BBOX1: variants seen among roughly 807,000 people sequenced by gnomAD.
BBOX1 encodes gamma-butyrobetaine hydroxylase 1.
Under a neutral mutation model 41.6 loss-of-function variants are expected in BBOX1, and 35 were observed. The observed-to-expected ratio is 0.84, with a 90% CI of 0.64 to 1.11. The LOEUF (loss-of-function observed/expected upper bound fraction) is 1.11, where lower values mean the gene tolerates loss of function less well. Among genes scored for constraint, BBOX1 ranks in the 50% most tolerant of loss-of-function variants. BBOX1 has a pLI of 0.00. For synonymous variants in BBOX1, 163 were observed against 154.7 expected (o/e 1.05, Z -0.40); for missense variants, 458 against 460.6 (o/e 0.99, Z 0.05).
At chr11:27,092,150 A>G (rs1783500610) in intron 4 of BBOX1, among the ~76,000 whole-genome samples, 1 of 152,112 alleles carries the variant, frequency 6.6e-6, no homozygotes, top group Middle Eastern at 3.4e-3. Context: ...TTTCCAGTCC[A>G]CAACTACTAC....
intron 4 of BBOX1, among the ~76,000 whole-genome samples, chr11:27,059,749 C>T (rs1857084415): frequency 6.6e-6 from 1 of 152,172 alleles, no homozygotes; most frequent in Non-Finnish European, 1.5e-5. Flanking sequence ...AATTTTGGAG[C>T]CTTAAGATTT....
intron 4 of BBOX1, among the ~76,000 whole-genome samples, chr11:27,074,679 T>G (rs917200687): frequency 4.6e-5 from 7 of 152,248 alleles, no homozygotes; most frequent in Non-Finnish European, 8.8e-5. Context: ...GTGACCTGGC[T>G]GTTTATAAAA....
intron 5 of BBOX1, among the ~76,000 whole-genome samples, chr11:27,106,437 A>G (rs1858868185): frequency 6.6e-6 from 1 of 152,176 alleles, no homozygotes; most frequent in African/African-American, 2.4e-5. Context: ...AGGGGTTGCA[A>G]TCCTAGTCTC....
At chr11:27,073,388 C>T (rs915462945) in intron 4 of BBOX1, among the ~76,000 whole-genome samples, 20 of 152,050 alleles carry the variant, frequency 1.3e-4, no homozygotes, top group East Asian at 3.9e-4. Context: ...GTTAGAATGG[C>T]GATCATTAAA....
chr11:27,077,024 C>G (rs977056730), intron 4 of BBOX1, among the ~76,000 whole-genome samples: 1 of 152,118 alleles, frequency 6.6e-6, no homozygotes, highest in Non-Finnish European at 1.5e-5. Context: ...AGTCCACCCA[C>G]AAAGCCAGAA....
chr11:27,127,640 A>C lies in BBOX1; in HGVS notation c.*187A>C. 1 of 640,318 alleles carries C rather than the reference A, an allele frequency of 1.6e-6. No individual in the cohort carries two copies. Among genetic ancestry groups the C allele is most frequent in the South Asian group, 2.6e-5 (1 of 37,868 alleles). 39.7% of individuals were successfully genotyped at this position (640,318 alleles called of 1,614,324 possible). A position where few individuals can be genotyped will look rare whatever the true frequency, so the allele number is the denominator to read the frequency against. Reference sequence around the variant, plus strand: ...ATGTCAACTTTTTAGATGTTTCACCACTCTTTTGCAAATAAAGCATCCTTT... The same window carrying C: ...ATGTCAACTTTTTAGATGTTTCACCCCTCTTTTGCAAATAAAGCATCCTTT... On this transcript the variant is annotated 3_prime_UTR_variant, in exon 9 of 9. Coordinates refer to ENST00000263182, the MANE Select transcript of BBOX1 (RefSeq NM_003986.3).
At chr11:27,089,929 C>G (rs1010163442) in intron 4 of BBOX1, among the ~76,000 whole-genome samples, 12 of 151,930 alleles carry the variant, frequency 7.9e-5, no homozygotes, top group African/African-American at 2.9e-4. Context: ...TCCTGCCAAC[C>G]TTTTTAATTG....
chr11:27,125,448 G>A (rs1433529375), intron 7 of BBOX1, among the ~76,000 whole-genome samples: 2 of 151,534 alleles, frequency 1.3e-5, no homozygotes, highest in African/African-American at 4.8e-5. Flanking sequence ...TGGTACTGAG[G>A]TAGTAAGATT....
At chr11:27,066,683 A>G (rs1005239200) in intron 4 of BBOX1, 9 of 151,856 alleles carry the variant, frequency 5.9e-5, no homozygotes, top group Non-Finnish European at 1.3e-4. Flanking sequence ...AAAAAAAAAA[A>G]AAAAAGAAAA....
intron 7 of BBOX1, among the ~76,000 whole-genome samples, chr11:27,124,775 G>T (rs1859589648): frequency 6.6e-6 from 1 of 152,114 alleles, no homozygotes; most frequent in South Asian, 2.1e-4. Flanking sequence ...GCCCACCTTG[G>T]CCTCCCAAGG....
intron 4 of BBOX1, among the ~76,000 whole-genome samples, chr11:27,059,869 T>A (rs891953446): frequency 6.6e-6 from 1 of 152,182 alleles, no homozygotes; most frequent in African/African-American, 2.4e-5. Context: ...TATAACCCCA[T>A]TATATCTTGG....
In BBOX1 at chr11:27,127,603, T is replaced by A; in HGVS notation, c.*150T>A. On this transcript the variant is annotated 3_prime_UTR_variant, in exon 9 of 9. Transcript: ENST00000263182. ...TCTCACAAGAGTACTCTTTACTTTG[T>A]AATCATATACAATGTCAACTTTTTA... 1 of 902,222 alleles carries A rather than the reference T, an allele frequency of 1.1e-6. No homozygotes were observed. Among genetic ancestry groups the A allele is most frequent in the Non-Finnish European group, 1.6e-6 (1 of 618,524 alleles). 55.9% of individuals were successfully genotyped at this position (902,222 alleles called of 1,614,324 possible).
At chr11:27,104,671 G>T (rs1590215466) in intron 5 of BBOX1, among the ~76,000 whole-genome samples, 1 of 152,088 alleles carries the variant, frequency 6.6e-6, no homozygotes, top group South Asian at 2.1e-4. Context: ...TTAAAAAAAT[G>T]GCATGAGAAC....
chr11:27,057,743 T>A (rs1170895116), intron 4 of BBOX1, among the ~76,000 whole-genome samples: 1 of 152,028 alleles, frequency 6.6e-6, no homozygotes, highest in Admixed American at 6.6e-5. Context: ...ATGGGATTGA[T>A]GAACCCATGA....
chr11:27,042,147 C>T lies in BBOX1; in HGVS notation c.-39+669C>T, dbSNP rs978414732. ...TTTAGAAATTTTCCTAAAATCTAAA[C>T]CCAGTACTTTGCATTACATCAGAAA... On this transcript the variant is annotated intron_variant, in intron 2 of 8. Transcript: ENST00000263182. 1.3e-5 allele frequency among the ~76,000 whole-genome samples: 2 copies of T among 152,234 alleles called. 1 individual carries two copies. The highest frequency in any genetic ancestry group is 4.1e-4 in the South Asian group (2 of 4,824).
At chr11:27,108,479 C>A (rs1276623393) in intron 5 of BBOX1, among the ~76,000 whole-genome samples, 1 of 152,054 alleles carries the variant, frequency 6.6e-6, no homozygotes, top group African/African-American at 2.4e-5. Flanking sequence ...AATCTCTTCT[C>A]ATATGTTGAT....
rs543348143 is a variant in BBOX1 at position 27,072,521 on chromosome 11, C to T, written c.334+15206C>T. Among the ~76,000 whole-genome samples, 36 of 152,254 alleles carry T rather than the reference C, an allele frequency of 2.4e-4. 1 individual carries two copies. The South Asian group carries it at 7.3e-3, about 31-fold the overall frequency. On this transcript the variant is annotated intron_variant, in intron 4 of 8. Transcript: ENST00000263182. ...CCAAGGTAATTTATAGATTCAATGC[C>T]ATCCCCATCAAGCTACCAATGACTT...
At chr11:27,074,112 C>A (rs1857558885) in intron 4 of BBOX1, among the ~76,000 whole-genome samples, 1 of 151,918 alleles carries the variant, frequency 6.6e-6, no homozygotes, top group South Asian at 2.1e-4. Context: ...TCTCCTGACA[C>A]CATGTGAAAA....
chr11:27,088,044 A>T (rs1858104650), intron 4 of BBOX1, among the ~76,000 whole-genome samples: 1 of 152,020 alleles, frequency 6.6e-6, no homozygotes, highest in South Asian at 2.1e-4. Flanking sequence ...AAAGAATATA[A>T]ATCTTTCTGT....
Sources: allele counts gnomAD v4.1 joint callset (sites outside exome capture counted in the v4.1 genomes callset), GRCh38; gene constraint gnomAD v4.1.1; transcripts MANE v1.5; gene names NCBI Gene and HGNC (gene_info 2026-07-23, HGNC 2026-07-21).